The following AGRN variants were observed in gnomAD, a reference collection of about 807,000 sequenced individuals.
The protein encoded by AGRN is agrin.
In AGRN, 106 loss-of-function variants were observed where a neutral mutation model predicts 211.0. The observed-to-expected ratio is 0.50, with a 90% CI of 0.43 to 0.59. The LOEUF (loss-of-function observed/expected upper bound fraction) is 0.59. Ranked by LOEUF, AGRN falls within the 20% of genes least tolerant of loss-of-function variation. The pLI is 0.00. For missense variants in AGRN, 3,040 were observed against 2,982.6 expected (o/e 1.02, Z -0.45); for synonymous variants, 1,525 against 1,332.5 (o/e 1.14, Z -3.15).
intron 29 of AGRN, 31 bp downstream of exon 29, chr1:1,050,622 TG>T: frequency 6.2e-7 from 1 of 1,604,932 alleles, no homozygotes. Context: ...CTGGGAGGCC[TG>T]GGGCACTGGC....
chr1:1,020,668 G>C (rs1329375293), intron 1 of AGRN, among the ~76,000 whole-genome samples: 4 of 146,060 alleles, frequency 2.7e-5, no homozygotes, highest in South Asian at 4.4e-4. Context: ...CCGAGAAGGA[G>C]AGGGGCCTGG....
Position 1,049,959 on chromosome 1 carries a change from G to A in AGRN, c.4801G>A (p.Ala1601Thr). 4 of 1,612,284 alleles carry A rather than the reference G, an allele frequency of 2.5e-6. No individual in the cohort carries two copies. The highest frequency in any genetic ancestry group is 3.4e-6 in the Non-Finnish European group (4 of 1,179,828). Reference protein sequence around the residue: ...PCQPNPCHGAAPCRVLPEGGA... With the variant: ...PCQPNPCHGATPCRVLPEGGA... ...CCAGCCCAACCCCTGCCATGGGGCG[G>A]CGCCCTGCCGTGTGCTGCCCGAGGG... is the stretch of plus-strand genomic sequence containing the variant. Residue 1601 changes from alanine to threonine, a missense_variant, in exon 27 of 36, where the codon GCG becomes ACG. Coordinates refer to ENST00000379370, the MANE Select transcript of AGRN (RefSeq NM_198576.4).
Position 1,051,284 on chromosome 1 carries a change from C to A in AGRN, c.5285C>A (p.Pro1762Gln). The A allele has an allele frequency of 2.5e-6, 4 of 1,578,106 alleles. No homozygotes were observed. The highest frequency in any genetic ancestry group is 3.4e-6 in the Non-Finnish European group (4 of 1,162,816). Reference protein sequence around the residue: ...VPHTVLNLKEPLYVGGAPDFS... With the variant: ...VPHTVLNLKEQLYVGGAPDFS... Reference sequence around the variant, plus strand: ...CACACCGTCCTCAACCTGAAGGAGCCGCTCTACGTAGGGGGCGCTCCCGAC... The same window carrying A: ...CACACCGTCCTCAACCTGAAGGAGCAGCTCTACGTAGGGGGCGCTCCCGAC... The change falls in exon 31 of 36, where the codon CCG (proline) becomes CAG (glutamine). Residue 1762 changes from proline (P) to glutamine (Q), a missense_variant. Physicochemically the swap from Pro to Gln is moderately conservative, Grantham distance 76. Transcript: ENST00000379370.
chr1:1,020,200 C>T lies in AGRN; in HGVS notation c.28C>T (p.Leu10=), dbSNP rs1226970553. 6.6e-6 allele frequency: 9 copies of T among 1,366,232 alleles called. No homozygotes were observed. In the Admixed American group the frequency reaches 2.0e-4, roughly 31 times the overall value. The allele number at this position is 1,366,232 out of a possible 1,614,324, so 84.6% of individuals were successfully genotyped here. Reference sequence around the variant, plus strand: ...GGCCGGCCGGTCCCACCCGGGCCCGCTGCGGCCGCTGCTGCCGCTCCTTGT... The same window carrying T: ...GGCCGGCCGGTCCCACCCGGGCCCGTTGCGGCCGCTGCTGCCGCTCCTTGT... MAGRSHPGP[L]RPLLPLLVVA... Residue 10 remains leucine, a synonymous_variant, in exon 1 of 36, where the codon CTG becomes TTG. Transcript: ENST00000379370.
At chr1:1,023,393 C>T (rs780913875) in intron 2 of AGRN, among the ~76,000 whole-genome samples, 11 of 152,178 alleles carry the variant, frequency 7.2e-5, no homozygotes, top group Non-Finnish European at 1.6e-4. Flanking sequence ...AACGCTGCGG[C>T]CTTTTCCCCA....
intron 2 of AGRN, among the ~76,000 whole-genome samples, chr1:1,027,263 T>C (rs1449043215): frequency 2.0e-5 from 3 of 152,236 alleles, no homozygotes; most frequent in Non-Finnish European, 2.9e-5. Context: ...TACACGCATG[T>C]GTGTGCACGT....
Position 1,040,868 on chromosome 1 carries a change from C to T in AGRN, c.715C>T (p.Arg239Cys), listed in dbSNP as rs1211113306. ...GCAGCGCCGCATCCGCCTGCTCAGC[C>T]GCGGGCCGTGCGGTGAGCGGGGCGG... ...SQQRRIRLLSRGPCGSRDPCS... is the reference protein window; with the variant it reads ...SQQRRIRLLSCGPCGSRDPCS... Residue 239 changes from arginine (R) to cysteine (C), a missense_variant, in exon 4 of 36, where the codon CGC becomes TGC. Coordinates refer to ENST00000379370, the MANE Select transcript of AGRN (RefSeq NM_198576.4). 1 of 1,520,338 alleles carries T rather than the reference C, an allele frequency of 6.6e-7. No homozygotes were observed. The allele number at this position is 1,520,338 out of a possible 1,614,324, so 94.2% of individuals were successfully genotyped here.
intron 7 of AGRN, among the ~76,000 whole-genome samples, chr1:1,042,567 G>A (rs985480840): frequency 3.9e-5 from 6 of 152,226 alleles, no homozygotes; most frequent in Admixed American, 1.3e-4. Context: ...GGGGGAGGCA[G>A]TGGCCGTCGT....
At position 1,046,922 on chromosome 1, in the gene AGRN, C is replaced by T. The variant is rs149159118; in HGVS notation, c.3353C>T (p.Thr1118Met). 14 of 1,579,412 alleles carry T rather than the reference C, an allele frequency of 8.9e-6. No homozygotes were observed. Among genetic ancestry groups the T allele is most frequent in the Admixed American group, 5.6e-5 (3 of 54,038 alleles). ...SALGCCSDGK[T>M]PSLDAEGSNC... Reference sequence around the variant, plus strand: ...TTGGGCTGCTGCTCTGATGGGAAGACGCCCTCGCTGGACGCAGAGGGCTCC... The same window carrying T: ...TTGGGCTGCTGCTCTGATGGGAAGATGCCCTCGCTGGACGCAGAGGGCTCC... Residue 1118 changes from threonine to methionine, a missense_variant, in exon 19 of 36, where the codon ACG becomes ATG. Physicochemically the swap from Thr to Met is moderately conservative, Grantham distance 81 (BLOSUM62 -1). This residue lies in a region of AGRN where 1,537 missense variants were observed against 1,505.0 expected (regional missense o/e 1.02). Transcript: ENST00000379370.
chr1:1,021,341 A>T (rs917466759), intron 1 of AGRN, among the ~76,000 whole-genome samples: 1 of 152,194 alleles, frequency 6.6e-6, no homozygotes, highest in Admixed American at 6.5e-5. Flanking sequence ...TGCCTGGGTC[A>T]TCTGCCTCCT....
Position 1,032,599 on chromosome 1 carries a change from G to A in AGRN, c.464-2678G>A, listed in dbSNP as rs1644696962. On this transcript the variant is annotated intron_variant, in intron 2 of 35. Transcript: ENST00000379370. This position sits in a 1 kb window ranked among gnomAD's most constrained non-coding sequence, Gnocchi z 4.7. ...CTGGGTGTGACCACGCGGTGGCACT[G>A]GTGGCTGCCGGCAGCTGTCGTCTGC... Among the ~76,000 whole-genome samples, 1 of 152,170 alleles carries A rather than the reference G, an allele frequency of 6.6e-6. No individual in the cohort carries two copies. The highest frequency in any genetic ancestry group is 1.5e-5 in the Non-Finnish European group (1 of 68,024).
rs57668569 is a variant in AGRN, at chr1:1,048,767, CAAAAAAAAAAAAA to C, written c.4106-90_4106-78del. 74 of 1,076,274 alleles carry C rather than the reference CAAAAAAAAAAAAA, an allele frequency of 6.9e-5. No individual in the cohort carries two copies. Among genetic ancestry groups the C allele is most frequent in the East Asian group, 1.5e-4 (5 of 32,752 alleles). 66.7% of individuals were successfully genotyped at this position (1,076,274 alleles called of 1,614,324 possible). ...GGGCAAAAAGAGCAAAACTCCGTCT[CAAAAAAAAAAAAA>C]AAAAAAAAAGCAGGGGGCGGTTTCA... On this transcript the variant is annotated intron_variant, in intron 23 of 35. Transcript: ENST00000379370. The surrounding 1 kb of genome is among the most constrained non-coding windows in gnomAD (Gnocchi z 5.9).
chr1:1,042,552 G>A (rs542148831), intron 7 of AGRN, among the ~76,000 whole-genome samples: 4 of 152,324 alleles, frequency 2.6e-5, no homozygotes, highest in East Asian at 3.9e-4. Context: ...GGACTTGAAG[G>A]GCCAGGGGGA....
In AGRN at chr1:1,043,561, G is replaced by C. The variant is rs1372138220; in HGVS notation, c.1627G>C (p.Gly543Arg). The change falls in exon 9 of 36, where the codon GGA (glycine) becomes CGA (arginine). Residue 543 changes from glycine to arginine, a missense_variant. Transcript: ENST00000379370. ...PCDRCGQCRFGALCEAETGRC... is the reference protein window; with the variant it reads ...PCDRCGQCRFRALCEAETGRC... ...AGACCGCTGCGGGCAGTGCCGCTTTGGAGCCCTGTGCGAGGCCGAGACCGG... is the reference window on the plus strand; with the variant it reads ...AGACCGCTGCGGGCAGTGCCGCTTTCGAGCCCTGTGCGAGGCCGAGACCGG... 1 of 1,605,094 alleles carries C rather than the reference G, an allele frequency of 6.2e-7. No homozygotes were observed. Among genetic ancestry groups the C allele is most frequent in the Non-Finnish European group, 8.5e-7 (1 of 1,179,806 alleles).
At chr1:1,020,575 C>T (rs1326535594) in intron 1 of AGRN, among the ~76,000 whole-genome samples, 2 of 152,112 alleles carry the variant, frequency 1.3e-5, no homozygotes, top group South Asian at 2.1e-4. Context: ...CGCCGCCGTC[C>T]TCCGCCCGCC....
intron 32 of AGRN, 22 bp from the exon 33 acceptor site, chr1:1,051,706 C>T (rs374208830): frequency 8.7e-6 from 14 of 1,613,326 alleles, no homozygotes; most frequent in African/African-American, 5.3e-5. Context: ...CGAGGCCCCA[C>T]CCTCACCTGC....
At position 1,041,965 on chromosome 1, in the gene AGRN, C is replaced by CGGA; in HGVS notation, c.1189_1191dup (p.Glu397dup). Reference sequence around the variant, plus strand: ...CACCCCTGCGTCCTAGACCAGTGCCCGGAGCCCTGCCGGTTCAATGCCGTG... The same window carrying CGGA: ...CACCCCTGCGTCCTAGACCAGTGCCCGGAGGAGCCCTGCCGGTTCAATGCCGTG... On this transcript the variant is annotated inframe_insertion, in exon 7 of 36. Coordinates refer to ENST00000379370, the MANE Select transcript of AGRN (RefSeq NM_198576.4). 1 of 1,611,648 alleles carries CGGA rather than the reference C, an allele frequency of 6.2e-7. No homozygotes were observed. The highest frequency in any genetic ancestry group is 8.5e-7 in the Non-Finnish European group (1 of 1,179,606).
At position 1,048,508 on chromosome 1, in the gene AGRN, C is replaced by G; in HGVS notation, c.4105+143C>G. 5.4e-6 allele frequency: 4 copies of G among 743,170 alleles called. No homozygotes were observed. The highest frequency in any genetic ancestry group is 8.4e-6 in the Non-Finnish European group (4 of 477,656). The allele number at this position is 743,170 out of a possible 1,614,324, so 46.0% of individuals were successfully genotyped here. A position where few individuals can be genotyped will look rare whatever the true frequency, so the allele number is the denominator to read the frequency against. ...GGTTTCGGCCAGATGCGGTGGCTCA[C>G]GCCTGTAATCCCAGCACTTTGGGAG... On this transcript the variant is annotated intron_variant, in intron 23 of 35. Transcript: ENST00000379370. The surrounding 1 kb of genome is among the most constrained non-coding windows in gnomAD (Gnocchi z 5.9).
rs923572148 is a variant in AGRN, at chr1:1,044,039, C to T, written c.1999+16C>T. On this transcript the variant is annotated intron_variant, in intron 10 of 35. Transcript: ENST00000379370. ...TGCGAGCAGGGTAGGCCGGGGGACGCTGGCGAAAACTGCTGGGCTCTGGCT... is the reference window on the plus strand; with the variant it reads ...TGCGAGCAGGGTAGGCCGGGGGACGTTGGCGAAAACTGCTGGGCTCTGGCT... 6.2e-7 allele frequency: 1 copy of T among 1,611,406 alleles called. No individual in the cohort carries two copies. The highest frequency in any genetic ancestry group is 8.5e-7 in the Non-Finnish European group (1 of 1,179,728).
Sources: allele counts gnomAD v4.1 joint callset (sites outside exome capture counted in the v4.1 genomes callset), GRCh38; gene constraint gnomAD v4.1.1; regional missense constraint gnomAD v4.1.1; non-coding constraint Gnocchi (gnomAD v3.1); transcripts MANE v1.5; gene names NCBI Gene and HGNC (gene_info 2026-07-23, HGNC 2026-07-21).